CSMD1: variants seen among roughly 807,000 people sequenced by gnomAD.
The protein encoded by CSMD1 is CUB and Sushi multiple domains 1, also known as CUB and sushi domain-containing protein 1.
CSMD1 carries 213 observed loss-of-function variants against 417.5 expected under a neutral mutation model. The observed-to-expected ratio is 0.51, with a 90% confidence interval of 0.46 to 0.57. The LOEUF is 0.57. Ranked by LOEUF, CSMD1 falls within the 20% of genes least tolerant of loss-of-function variation. CSMD1 has a pLI of 0.00. For missense variants in CSMD1, 6,923 were observed against 4,529.7 expected, an observed-to-expected ratio of 1.53 and a Z score of -15.17; for synonymous variants, 2,862 against 1,736.8, an observed-to-expected ratio of 1.65 and a Z score of -16.11.
chr8:3,542,281 G>T (rs1014244054), intron 10 of CSMD1, among the ~76,000 whole-genome samples: 1 of 152,020 alleles, frequency 6.6e-6, no homozygotes, highest in African/African-American at 2.4e-5. Flanking sequence ...ATCTGAAGAT[G>T]GTTCATTCAT....
chr8:4,644,854 T>G (rs1042853300), intron 1 of CSMD1, among the ~76,000 whole-genome samples: 2 of 152,236 alleles, frequency 1.3e-5, no homozygotes, highest in South Asian at 2.1e-4. Flanking sequence ...TGCCCATTTC[T>G]AGAATAGTGC....
intron 2 of CSMD1, among the ~76,000 whole-genome samples, chr8:4,586,918 A>C (rs1205992535): frequency 1.3e-5 from 2 of 152,216 alleles, no homozygotes; most frequent in Admixed American, 6.5e-5. Flanking sequence ...TTGATGAATA[A>C]ATAAATGAGA....
At chr8:3,542,581 C>T (rs991350457) in intron 10 of CSMD1, among the ~76,000 whole-genome samples, 2 of 152,118 alleles carry the variant, frequency 1.3e-5, no homozygotes, top group Non-Finnish European at 2.9e-5. Context: ...AAAGAGCGTA[C>T]GTGCTGTGAG....
chr8:4,045,967 G>C (rs138153866), intron 3 of CSMD1, among the ~76,000 whole-genome samples: 55 of 152,078 alleles, frequency 3.6e-4, no homozygotes, highest in African/African-American at 1.3e-3. Context: ...AAGTATATTA[G>C]ATTCCTGTGA....
intron 9 of CSMD1, 86 bp from the exon 10 acceptor site, chr8:3,575,152 G>T: frequency 7.8e-7 from 1 of 1,286,626 alleles, no homozygotes; most frequent in Non-Finnish European, 1.0e-6. Context: ...TTTCAAGTTA[G>T]CTATTATCTA....
intron 7 of CSMD1, among the ~76,000 whole-genome samples, chr8:3,666,770 G>C (rs985946816): frequency 5.9e-5 from 9 of 152,170 alleles, no homozygotes; most frequent in African/African-American, 1.9e-4. Flanking sequence ...TGTAAGATGT[G>C]CCTTTAGCCT....
At chr8:4,886,330 T>C (rs1018388794) in intron 1 of CSMD1, among the ~76,000 whole-genome samples, 5 of 151,948 alleles carry the variant, frequency 3.3e-5, no homozygotes, top group African/African-American at 9.7e-5. Context: ...CAGCACTATA[T>C]ATATTTTTTT....
intron 1 of CSMD1, among the ~76,000 whole-genome samples, chr8:4,915,155 T>C (rs527388876): frequency 6.6e-6 from 1 of 152,288 alleles, no homozygotes; most frequent in Admixed American, 6.5e-5. Context: ...ATACGCATGC[T>C]TATGATTATA....
At chr8:4,224,381 G>A (rs1243433982) in intron 3 of CSMD1, among the ~76,000 whole-genome samples, 2 of 152,104 alleles carry the variant, frequency 1.3e-5, no homozygotes, top group Non-Finnish European at 2.9e-5. Flanking sequence ...CACATATTTT[G>A]ATGCCAATTC....
chr8:4,161,498 A>C (rs1171717952), intron 3 of CSMD1, among the ~76,000 whole-genome samples: 1 of 152,196 alleles, frequency 6.6e-6, no homozygotes, highest in Non-Finnish European at 1.5e-5. Flanking sequence ...AGATAAAAGA[A>C]AAAGGACTGA....
At chr8:4,463,909 A>G (rs760732698) in intron 2 of CSMD1, among the ~76,000 whole-genome samples, 9 of 152,198 alleles carry the variant, frequency 5.9e-5, no homozygotes, top group Admixed American at 1.3e-4. Flanking sequence ...ATTTCAATAT[A>G]GCTCTGATTA....
chr8:3,369,150 A>C, intron 19 of CSMD1, 104 bp downstream of exon 19: 1 of 597,036 alleles, frequency 1.7e-6, no homozygotes, highest in South Asian at 2.2e-5. Flanking sequence ...ACATGAGAAA[A>C]GTAGTTATCT....
intron 26 of CSMD1, among the ~76,000 whole-genome samples, chr8:3,266,833 G>C (rs1185155221): frequency 6.6e-6 from 1 of 151,146 alleles, no homozygotes; most frequent in Non-Finnish European, 1.5e-5. Context: ...TGAGGTGCAT[G>C]GTATTTATGA....
At chr8:4,429,934 G>C (rs1213230920) in intron 2 of CSMD1, among the ~76,000 whole-genome samples, 1 of 152,122 alleles carries the variant, frequency 6.6e-6, no homozygotes, top group Non-Finnish European at 1.5e-5. Context: ...TCACCCATCA[G>C]GGAATGAAAA....
chr8:3,236,825 A>G (rs1240440613), intron 26 of CSMD1, among the ~76,000 whole-genome samples: 2 of 152,162 alleles, frequency 1.3e-5, no homozygotes, highest in East Asian at 1.9e-4. Context: ...AGTTGCATCC[A>G]TCTTATCCCT....
chr8:4,652,003 A>C (rs2130897680), intron 1 of CSMD1, among the ~76,000 whole-genome samples: 1 of 152,342 alleles, frequency 6.6e-6, no homozygotes, highest in Admixed American at 6.5e-5. Flanking sequence ...ACTCAATTAG[A>C]AAAATGTCTA....
chr8:4,135,447 T>G (rs981795249), intron 3 of CSMD1, among the ~76,000 whole-genome samples: 5 of 150,726 alleles, frequency 3.3e-5, no homozygotes, highest in Admixed American at 2.7e-4. Context: ...GGACGGAAAT[T>G]ATCAGAAGCA....
chr8:3,681,050 G>C (rs1286255576), intron 7 of CSMD1, among the ~76,000 whole-genome samples: 3 of 152,136 alleles, frequency 2.0e-5, no homozygotes, highest in Non-Finnish European at 4.4e-5. Flanking sequence ...AAACTAATAA[G>C]AGCTATTTAA....
At chr8:4,568,262 T>C (rs1798711988) in intron 2 of CSMD1, among the ~76,000 whole-genome samples, 1 of 152,116 alleles carries the variant, frequency 6.6e-6, no homozygotes, top group Admixed American at 6.5e-5. Flanking sequence ...TTTCCCCTAA[T>C]GCTATGCTAT....
Sources: gnomAD v4.1 joint callset for allele counts (sites outside exome capture counted in the v4.1 genomes callset) on GRCh38, gnomAD v4.1.1 for gene constraint, MANE v1.5 for transcripts, NCBI Gene and HGNC (gene_info 2026-07-23, HGNC 2026-07-21) for gene names.